C9orf43: variants seen among roughly 807,000 people sequenced by gnomAD.
The protein encoded by C9orf43 is uncharacterized protein C9orf43.
Under a neutral mutation model 59.1 loss-of-function variants are expected in C9orf43, and 45 were observed. The observed-to-expected ratio is 0.76, with a 90% CI of 0.60 to 0.98. C9orf43 has a LOEUF of 0.98. C9orf43 is among the 50% of genes least tolerant of loss of function. The pLI, the probability that C9orf43 is intolerant of heterozygous loss-of-function variation, is 0.00. For synonymous variants in C9orf43, 203 were observed against 196.8 expected, an observed-to-expected ratio of 1.03 and a Z score of -0.26; for missense variants, 533 against 554.9, an observed-to-expected ratio of 0.96 and a Z score of 0.40.
In C9orf43 at chr9:113,423,479, C is replaced by T. The variant is rs746865234; in HGVS notation, c.637C>T (p.Pro213Ser). The stretch of plus-strand genomic sequence containing the variant: ...TCTCTGGGCTCAATCCGAAGCGTTA[C>T]CTCAGGATCTACTGAAGGAGTAAGT... ...LPLWAQSEAL[P>S]QDLLKELLPG... The change falls in exon 7 of 14, where the codon CCT becomes TCT. Residue 213 changes from proline to serine, a missense_variant. Coordinates refer to ENST00000374165, the MANE Select transcript of C9orf43 (RefSeq NM_001278629.2). The T allele has an allele frequency of 4.3e-6, 7 of 1,613,626 alleles. No homozygotes were observed. The highest frequency in any genetic ancestry group is 2.2e-5 in the East Asian group (1 of 44,868).
intron 3 of C9orf43, among the ~76,000 whole-genome samples, chr9:113,417,191 A>G (rs1828391203): frequency 6.6e-6 from 1 of 152,242 alleles, no homozygotes; most frequent in South Asian, 2.1e-4. Flanking sequence ...TAGTGGAAAC[A>G]TAATAAGTAT....
intron 3 of C9orf43, among the ~76,000 whole-genome samples, chr9:113,415,284 C>G (rs1322556251): frequency 6.6e-6 from 1 of 152,076 alleles, no homozygotes; most frequent in African/African-American, 2.4e-5. Flanking sequence ...GCTGGGACCA[C>G]AGGCACGCGC....
intron 4 of C9orf43, among the ~76,000 whole-genome samples, chr9:113,420,479 C>G (rs1363635053): frequency 6.6e-6 from 1 of 152,182 alleles, no homozygotes; most frequent in Non-Finnish European, 1.5e-5. Context: ...AAAGGAATCT[C>G]TCCTATTACC....
intron 9 of C9orf43, 90 bp downstream of exon 9, chr9:113,425,166 T>G: frequency 6.8e-7 from 1 of 1,480,518 alleles, no homozygotes; most frequent in South Asian, 1.1e-5. Flanking sequence ...TCAGTTATAT[T>G]TGTGGCCACA....
intron 2 of C9orf43, 44 bp from the exon 3 acceptor site, chr9:113,413,714 TC>T (rs1269949329): frequency 1.2e-6 from 2 of 1,611,360 alleles, no homozygotes; most frequent in African/African-American, 2.7e-5. Flanking sequence ...GCTCCCTTTC[TC>T]CAGGCAGCAG....
chr9:113,418,317 C>T (rs569758817), intron 3 of C9orf43, among the ~76,000 whole-genome samples: 9 of 152,168 alleles, frequency 5.9e-5, no homozygotes, highest in Admixed American at 2.0e-4. Flanking sequence ...TGGAATTACA[C>T]AACATTTGTC....
intron 4 of C9orf43, 39 bp from the exon 5 acceptor site, chr9:113,421,064 C>A: frequency 1.4e-6 from 2 of 1,468,766 alleles, no homozygotes; most frequent in South Asian, 1.1e-5. Flanking sequence ...AGGAGCTTAG[C>A]ACCTCAAGCC....
intron 6 of C9orf43, 63 bp from the exon 7 acceptor site, chr9:113,423,263 T>G: frequency 6.5e-7 from 1 of 1,531,674 alleles, no homozygotes; most frequent in East Asian, 2.3e-5. Context: ...GCTAGAATGT[T>G]GATGGAAAGG....
chr9:113,429,554 T>C lies in C9orf43; in HGVS notation c.*168T>C, dbSNP rs569013439. The C allele has an allele frequency of 1.7e-5, 10 of 593,014 alleles. No homozygotes were observed. Among genetic ancestry groups the C allele is most frequent in the Non-Finnish European group, 2.7e-5 (9 of 335,234 alleles). The allele number at this position is 593,014 out of a possible 1,614,324, so 36.7% of individuals were successfully genotyped here. ...CTGAGCTCTGAGCTTAGGGATTCCA[T>C]TTTCTTTGTTCACCTCTACTTGCCT... On this transcript the variant is annotated 3_prime_UTR_variant, in exon 14 of 14. Transcript: ENST00000374165.
Position 113,413,348 on chromosome 9 carries a change from T to C in C9orf43, c.-49-97T>C, listed in dbSNP as rs1296067376. The C allele has an allele frequency of 3.5e-6, 4 of 1,149,206 alleles. No homozygotes were observed. In the African/African-American group the frequency reaches 6.2e-5, roughly 18 times the overall value. The allele number at this position is 1,149,206 out of a possible 1,614,324, so 71.2% of individuals were successfully genotyped here. A position where few individuals can be genotyped will look rare whatever the true frequency, so the allele number is the denominator to read the frequency against. On this transcript the variant is annotated intron_variant, in intron 1 of 13. Coordinates refer to ENST00000374165, the MANE Select transcript of C9orf43 (RefSeq NM_001278629.2). ...TGTGGCCATCATTTACCTATATAGG[T>C]TCAATAGAAATATTTTATACTGTGA...
At chr9:113,413,077 C>T (rs974071103) in intron 1 of C9orf43, among the ~76,000 whole-genome samples, 1 of 152,168 alleles carries the variant, frequency 6.6e-6, no homozygotes, top group Admixed American at 6.5e-5. Flanking sequence ...GGAAAGGATG[C>T]AAATATTTAT....
chr9:113,424,337 G>A (rs567396522), intron 8 of C9orf43, 21 bp downstream of exon 8: 18 of 1,590,564 alleles, frequency 1.1e-5, no homozygotes, highest in Non-Finnish European at 1.5e-5. Flanking sequence ...GGAAACAGCA[G>A]GGAAGAAGCC....
intron 11 of C9orf43, among the ~76,000 whole-genome samples, chr9:113,426,392 G>A (rs1828793582): frequency 6.6e-6 from 1 of 152,186 alleles, no homozygotes; most frequent in Admixed American, 6.5e-5. Context: ...CTTGAGTGGA[G>A]AATGGGAGGA....
At chr9:113,414,376 G>A (rs554272673) in intron 3 of C9orf43, among the ~76,000 whole-genome samples, 15 of 151,990 alleles carry the variant, frequency 9.9e-5, no homozygotes, top group Admixed American at 3.3e-4. Flanking sequence ...CTGGGCTCAA[G>A]CGATCCTCCC....
In C9orf43 at chr9:113,429,642, A is replaced by G. The variant is rs939027415; in HGVS notation, c.*256A>G. On this transcript the variant is annotated 3_prime_UTR_variant, in exon 14 of 14. Transcript: ENST00000374165. ...AAATTTAGATTATTTCCTTTCCATT[A>G]GGGTCAGAATAATTTTGGTGATTAA... The G allele has an allele frequency of 6.9e-6, 3 of 434,638 alleles. No individual in the cohort carries two copies. The highest frequency in any genetic ancestry group is 6.0e-5 in the African/African-American group (3 of 50,202). The allele number at this position is 434,638 out of a possible 1,614,324, so 26.9% of individuals were successfully genotyped here. A position where few individuals can be genotyped will look rare whatever the true frequency, so the allele number is the denominator to read the frequency against.
rs1407331139 is a variant in C9orf43, at chr9:113,425,053, A to C, written c.842A>C (p.Lys281Thr). 2 of 1,613,298 alleles carry C rather than the reference A, an allele frequency of 1.2e-6. No homozygotes were observed. Among genetic ancestry groups the C allele is most frequent in the Non-Finnish European group, 1.7e-6 (2 of 1,179,988 alleles). The change falls in exon 9 of 14, where the codon AAA becomes ACA. Residue 281 changes from lysine to threonine, a missense_variant. Transcript: ENST00000374165. ...CTGCGATATCCTGAACGTTTGAAGA[A>C]ATTACATAACCTGAAGACAGAAGGT... ...PALRYPERLK[K>T]LHNLKTEGYR...
intron 3 of C9orf43, among the ~76,000 whole-genome samples, chr9:113,415,110 G>T (rs1410121260): frequency 6.6e-6 from 1 of 152,040 alleles, no homozygotes; most frequent in Non-Finnish European, 1.5e-5. Flanking sequence ...AGAATTACAG[G>T]TGTGAGCCAC....
chr9:113,412,347 G>A (rs1828201292), intron 1 of C9orf43, among the ~76,000 whole-genome samples: 2 of 152,196 alleles, frequency 1.3e-5, no homozygotes, highest in South Asian at 2.1e-4. Context: ...AACAAAACAA[G>A]TAATAGGCCA....
At chr9:113,423,815 C>T (rs1828680038) in intron 7 of C9orf43, among the ~76,000 whole-genome samples, 1 of 152,242 alleles carries the variant, frequency 6.6e-6, no homozygotes. Context: ...AATATGTGGT[C>T]TGCAGTGAGA....
Sources: gnomAD v4.1 joint callset for allele counts (sites outside exome capture counted in the v4.1 genomes callset) on GRCh38, gnomAD v4.1.1 for gene constraint, MANE v1.5 for transcripts, NCBI Gene and HGNC (gene_info 2026-07-23, HGNC 2026-07-21) for gene names.